NTM: variants seen among roughly 807,000 people sequenced by gnomAD.
NTM encodes the protein neurotrimin.
A neutral mutation model predicts 42.1 loss-of-function variants in NTM; 13 were observed. The ratio of observed to expected loss-of-function variants is 0.31; its 90% CI spans 0.20 to 0.49. The LOEUF (loss-of-function observed/expected upper bound fraction) is 0.49, where lower values mean the gene tolerates loss of function less well. Ranked by LOEUF, NTM falls within the 20% of genes least tolerant of loss-of-function variation. NTM has a pLI of 0.99. For missense variants in NTM, 373 were observed against 452.8 expected (o/e 0.82, Z 1.60); for synonymous variants, 187 against 179.2 (o/e 1.04, Z -0.35).
At chr11:131,463,596 T>C (rs1200447078) in intron 1 of NTM, among the ~76,000 whole-genome samples, 1 of 152,254 alleles carries the variant, frequency 6.6e-6, no homozygotes, top group Non-Finnish European at 1.5e-5. Flanking sequence ...TACATACTTA[T>C]TAATACATTT....
chr11:132,054,331 C>A (rs1014714346), intron 2 of NTM, among the ~76,000 whole-genome samples: 4 of 139,556 alleles, frequency 2.9e-5, no homozygotes, highest in African/African-American at 9.9e-5. Context: ...ACAGGAGACT[C>A]AGGATTAGCA....
chr11:132,201,915 T>C (rs772674971), intron 3 of NTM, among the ~76,000 whole-genome samples: 4 of 152,212 alleles, frequency 2.6e-5, no homozygotes, highest in Non-Finnish European at 5.9e-5. Flanking sequence ...CTCAGATTCC[T>C]GGATGAAAAG....
At chr11:132,254,143 G>A (rs893209289) in intron 4 of NTM, among the ~76,000 whole-genome samples, 3 of 152,196 alleles carry the variant, frequency 2.0e-5, no homozygotes, top group Non-Finnish European at 4.4e-5. Flanking sequence ...AAGTAAAGCC[G>A]GCAGCCAGGC....
At chr11:132,104,789 C>T (rs558537986) in intron 2 of NTM, among the ~76,000 whole-genome samples, 6 of 149,148 alleles carry the variant, frequency 4.0e-5, no homozygotes, top group African/African-American at 1.5e-4. Context: ...CCTGTAGTTC[C>T]AGCTACCTAG....
chr11:131,898,815 T>C (rs1031407393), intron 1 of NTM, among the ~76,000 whole-genome samples: 4 of 152,236 alleles, frequency 2.6e-5, no homozygotes, highest in African/African-American at 9.6e-5. Flanking sequence ...CATCTGTGTC[T>C]TCAGGAAATG....
intron 4 of NTM, among the ~76,000 whole-genome samples, chr11:132,230,233 C>T (rs534218018): frequency 8.5e-5 from 13 of 152,190 alleles, no homozygotes; most frequent in East Asian, 1.9e-4. Flanking sequence ...CTAATAAAGA[C>T]GATTATAAAC....
At chr11:131,910,641 G>A (rs1371905263) in intron 1 of NTM, among the ~76,000 whole-genome samples, 1 of 150,464 alleles carries the variant, frequency 6.6e-6, no homozygotes, top group Non-Finnish European at 1.5e-5. Flanking sequence ...GGAAGGCGGC[G>A]CGGAGGCCGG....
intron 1 of NTM, among the ~76,000 whole-genome samples, chr11:131,576,257 C>T (rs1184649492): frequency 1.3e-5 from 2 of 152,180 alleles, no homozygotes; most frequent in African/African-American, 2.4e-5. Context: ...AACTCTTCTC[C>T]AGCACAGCTG....
At chr11:132,329,159 G>A (rs886641443) in intron 7 of NTM, among the ~76,000 whole-genome samples, 1 of 152,194 alleles carries the variant, frequency 6.6e-6, no homozygotes. Context: ...GTTATATCTA[G>A]GTTGTCTTTC....
intron 1 of NTM, among the ~76,000 whole-genome samples, chr11:131,906,363 C>A (rs750204312): frequency 3.9e-5 from 6 of 152,082 alleles, no homozygotes; most frequent in Non-Finnish European, 5.9e-5. Context: ...GGAGTTCTGA[C>A]TTCTAGTCTG....
chr11:132,204,732 G>T (rs1025980937), intron 3 of NTM, among the ~76,000 whole-genome samples: 21 of 152,114 alleles, frequency 1.4e-4, no homozygotes, highest in Admixed American at 1.1e-3. Context: ...GACCAAAGAA[G>T]GAGTTTGCCT....
intron 4 of NTM, among the ~76,000 whole-genome samples, chr11:132,217,480 T>C (rs1459639925): frequency 6.6e-6 from 1 of 151,804 alleles, no homozygotes; most frequent in African/African-American, 2.4e-5. Flanking sequence ...CCTCCTGATA[T>C]ATGAATTGAG....
At chr11:131,423,703 C>T (rs1947764920) in intron 1 of NTM, among the ~76,000 whole-genome samples, 1 of 152,172 alleles carries the variant, frequency 6.6e-6, no homozygotes, top group African/African-American at 2.4e-5. Flanking sequence ...TGAGCGCTTT[C>T]TGATGTCAAC....
At chr11:131,565,467 C>A (rs922857289) in intron 1 of NTM, among the ~76,000 whole-genome samples, 1 of 152,188 alleles carries the variant, frequency 6.6e-6, no homozygotes, top group Non-Finnish European at 1.5e-5. Flanking sequence ...GTTCTCATGC[C>A]ATTGCCACAC....
intron 1 of NTM, among the ~76,000 whole-genome samples, chr11:131,402,740 TCCTCTGG>T (rs1320088714): frequency 1.3e-5 from 2 of 152,162 alleles, no homozygotes; most frequent in Admixed American, 1.3e-4. Context: ...GAATGACATA[TCCTCTGG>T]CCATATAAGT....
intron 2 of NTM, among the ~76,000 whole-genome samples, chr11:132,119,465 G>T (rs1277737322): frequency 6.6e-6 from 1 of 152,186 alleles, no homozygotes; most frequent in Admixed American, 6.5e-5. Flanking sequence ...GGCCTCCACA[G>T]CCTGGGTTCA....
intron 1 of NTM, among the ~76,000 whole-genome samples, chr11:131,818,407 G>A (rs2093039451): frequency 6.6e-6 from 1 of 152,164 alleles, no homozygotes; most frequent in African/African-American, 2.4e-5. Flanking sequence ...CTTCCTGGAA[G>A]AGGGACTATA....
chr11:131,789,547 AAAGAAG>A lies in NTM; in HGVS notation c.83-121933_83-121928del, dbSNP rs71067336. On this transcript the variant is annotated intron_variant, in intron 1 of 8. Coordinates refer to ENST00000683400, the MANE Select transcript of NTM (RefSeq NM_001352005.2). ...AAGAAGAAGAAGAAGAAGAAGAAGA[AAAGAAG>A]AAGAAGAAGAAGAAGAAGAAGAAGA... Among the ~76,000 whole-genome samples the A allele has an allele frequency of 6.7e-3, 34 of 5,106 alleles. 2 individuals are homozygous for A. Among genetic ancestry groups the A allele is most frequent in the South Asian group, 0.019 (3 of 162 alleles). The allele number at this position is 5,106 out of a possible 152,430, so 3.3% of individuals were successfully genotyped here.
intron 1 of NTM, among the ~76,000 whole-genome samples, chr11:131,474,979 C>T (rs1565540280): frequency 6.6e-6 from 1 of 152,222 alleles, no homozygotes; most frequent in Non-Finnish European, 1.5e-5. Context: ...CCTGCCCTTG[C>T]TCTTTAAGGA....
Sources: gnomAD v4.1 joint callset for allele counts (sites outside exome capture counted in the v4.1 genomes callset) on GRCh38, gnomAD v4.1.1 for gene constraint, MANE v1.5 for transcripts, NCBI Gene and HGNC (gene_info 2026-07-23, HGNC 2026-07-21) for gene names.